ATRN: variants seen among roughly 807,000 people sequenced by gnomAD.
ATRN encodes attractin.
A neutral mutation model predicts 178.7 loss-of-function variants in ATRN; 54 were observed. That is an observed-to-expected ratio of 0.30 (90% confidence interval 0.24 to 0.38). ATRN has a LOEUF of 0.38. ATRN is among the 10% of genes least tolerant of loss of function. ATRN has a pLI of 1.00. For synonymous variants in ATRN, 636 were observed against 663.0 expected (o/e 0.96, Z 0.63); for missense variants, 1,443 against 1,815.1 (o/e 0.79, Z 3.73).
intron 1 of ATRN, among the ~76,000 whole-genome samples, chr20:3,501,738 G>T (rs575116011): frequency 6.6e-6 from 1 of 152,294 alleles, no homozygotes; most frequent in African/African-American, 2.4e-5. Flanking sequence ...TCCCTTGGGG[G>T]GACTGGCCGA....
At chr20:3,518,544 A>C (rs1018204540) in intron 1 of ATRN, among the ~76,000 whole-genome samples, 1 of 152,200 alleles carries the variant, frequency 6.6e-6, no homozygotes, top group African/African-American at 2.4e-5. Flanking sequence ...ATGTTTGTTC[A>C]ACTCTGTGAA....
intron 17 of ATRN, among the ~76,000 whole-genome samples, 153 bp downstream of exon 17, chr20:3,584,236 T>A (rs979986086): frequency 3.8e-4 from 58 of 152,152 alleles, no homozygotes; most frequent in Admixed American, 3.4e-3. Context: ...CATCGAGACC[T>A]TGCTGCCTAT....
chr20:3,535,977 A>G (rs2146181084), intron 2 of ATRN, among the ~76,000 whole-genome samples: 1 of 152,160 alleles, frequency 6.6e-6, no homozygotes, highest in South Asian at 2.1e-4. Flanking sequence ...GAAAATTGCA[A>G]TATTGTGTTA....
At chr20:3,634,420 C>A in intron 26 of ATRN, 31 bp downstream of exon 26, 1 of 1,584,212 alleles carries the variant, frequency 6.3e-7, no homozygotes. Flanking sequence ...ATTAAAGAAT[C>A]CCTGGAAGAG....
At chr20:3,489,946 T>C (rs977363102) in intron 1 of ATRN, 1 of 1,092,510 alleles carries the variant, frequency 9.2e-7, no homozygotes, top group African/African-American at 1.5e-5. Context: ...CTCTTACTGA[T>C]CTGCTCTTCT....
intron 24 of ATRN, among the ~76,000 whole-genome samples, chr20:3,616,778 G>A (rs1249265257): frequency 6.6e-6 from 1 of 152,098 alleles, no homozygotes; most frequent in Non-Finnish European, 1.5e-5. Flanking sequence ...AGTCCTGGGA[G>A]GACTTAGGAG....
At chr20:3,504,277 A>G (rs1160615820) in intron 1 of ATRN, among the ~76,000 whole-genome samples, 2 of 152,166 alleles carry the variant, frequency 1.3e-5, no homozygotes, top group Non-Finnish European at 2.9e-5. Flanking sequence ...AAAATTGGCT[A>G]AAGGAAGTTC....
chr20:3,474,054 G>A (rs1336003150), intron 1 of ATRN, among the ~76,000 whole-genome samples: 1 of 152,114 alleles, frequency 6.6e-6, no homozygotes, highest in South Asian at 2.1e-4. Flanking sequence ...AGTTTGGGGT[G>A]CTCTCAGAGT....
At chr20:3,522,466 G>A (rs1204332146) in intron 1 of ATRN, among the ~76,000 whole-genome samples, 1 of 152,208 alleles carries the variant, frequency 6.6e-6, no homozygotes, top group Non-Finnish European at 1.5e-5. Context: ...GCACCTGGGG[G>A]AATGGGCATC....
At chr20:3,618,901 A>C (rs1338695994) in intron 24 of ATRN, among the ~76,000 whole-genome samples, 1 of 152,208 alleles carries the variant, frequency 6.6e-6, no homozygotes, top group Non-Finnish European at 1.5e-5. Context: ...GCCAAACTCA[A>C]GGAGGTGACA....
At chr20:3,556,955 T>C (rs2085885416) in intron 6 of ATRN, among the ~76,000 whole-genome samples, 1 of 152,198 alleles carries the variant, frequency 6.6e-6, no homozygotes, top group Admixed American at 6.5e-5. Context: ...AAGAGACAGA[T>C]TGGGCACTCT....
intron 24 of ATRN, chr20:3,616,084 G>C: frequency 6.1e-6 from 1 of 164,030 alleles, no homozygotes; most frequent in South Asian, 1.2e-4. Context: ...CCTTTGTCTC[G>C]AAAGTCCCCT....
rs1600057981 is a variant in ATRN at position 3,512,168 on chromosome 20, A to G, written c.411-23085A>G. Among the ~76,000 whole-genome samples the G allele has an allele frequency of 2.7e-5, 4 of 147,330 alleles. No homozygotes were observed. The South Asian group carries it at 6.4e-4, about 24-fold the overall frequency. ...CATGTGCACAACATGCAGGTTTGTT[A>G]CATACGTATACATGTGCCATGTTGG... is the stretch of plus-strand genomic sequence containing the variant. On this transcript the variant is annotated intron_variant, in intron 1 of 28. Coordinates refer to ENST00000262919, the MANE Select transcript of ATRN (RefSeq NM_139321.3).
intron 1 of ATRN, among the ~76,000 whole-genome samples, chr20:3,478,216 C>T (rs1365800326): frequency 6.6e-6 from 1 of 152,142 alleles, no homozygotes; most frequent in African/African-American, 2.4e-5. Context: ...TTTGTCATAT[C>T]AGTCTTCTAA....
Position 3,471,386 on chromosome 20 carries a change from A to C in ATRN, c.279A>C (p.Ser93=). The C allele has an allele frequency of 1.3e-6, 2 of 1,487,266 alleles. No homozygotes were observed. Among genetic ancestry groups the C allele is most frequent in the Non-Finnish European group, 1.8e-6 (2 of 1,127,382 alleles). The allele number at this position is 1,487,266 out of a possible 1,614,324, so 92.1% of individuals were successfully genotyped here. ...AAAAAAAVSG[S]AAAEAKECDR... is the part of the protein sequence containing the mutation. The stretch of plus-strand genomic sequence containing the variant: ...CGGCGGCGGCGGCGGTGTCGGGCTC[A>C]GCCGCAGCCGAGGCCAAGGAATGTG... The change falls in exon 1 of 29, where the codon TCA becomes TCC. Residue 93 remains serine, a synonymous_variant. Coordinates refer to ENST00000262919, the MANE Select transcript of ATRN (RefSeq NM_139321.3).
At chr20:3,574,719 T>C (rs2086179154) in intron 12 of ATRN, among the ~76,000 whole-genome samples, 1 of 152,246 alleles carries the variant, frequency 6.6e-6, no homozygotes, top group African/African-American at 2.4e-5. Context: ...TTGAATTACC[T>C]TAGGTGTTCA....
chr20:3,473,427 G>A (rs899867671), intron 1 of ATRN, among the ~76,000 whole-genome samples: 3 of 152,170 alleles, frequency 2.0e-5, no homozygotes, highest in African/African-American at 7.2e-5. Flanking sequence ...GGTGGCAGGA[G>A]CAGAGAGAGC....
intron 1 of ATRN, among the ~76,000 whole-genome samples, chr20:3,472,365 C>T (rs944031581): frequency 1.3e-5 from 2 of 152,154 alleles, no homozygotes; most frequent in Admixed American, 6.5e-5. Context: ...GCGCACATAA[C>T]CCTAGTCATA....
chr20:3,630,091 T>C (rs2753982), intron 25 of ATRN, among the ~76,000 whole-genome samples: 70,299 of 151,954 alleles, frequency 0.46, 17,735 homozygotes, highest in African/African-American at 0.67. Flanking sequence ...TTGGGTTTTC[T>C]GGTGACCAGC....
Sources: gnomAD v4.1 joint callset for allele counts (sites outside exome capture counted in the v4.1 genomes callset) on GRCh38, gnomAD v4.1.1 for gene constraint, MANE v1.5 for transcripts, NCBI Gene and HGNC (gene_info 2026-07-23, HGNC 2026-07-21) for gene names.